The following CADPS2 variants were observed in gnomAD, a reference collection of about 807,000 sequenced individuals.
CADPS2 encodes the protein calcium-dependent secretion activator 2.
Under a neutral mutation model 172.5 loss-of-function variants are expected in CADPS2, and 93 were observed. The observed-to-expected ratio is 0.54, with a 90% CI of 0.46 to 0.64. The LOEUF (loss-of-function observed/expected upper bound fraction) is 0.64. CADPS2 is among the 30% of genes least tolerant of loss of function. CADPS2 has a pLI of 0.00. For synonymous variants in CADPS2, 546 were observed against 555.2 expected, an observed-to-expected ratio of 0.98 and a Z score of 0.23; for missense variants, 1,420 against 1,565.9, an observed-to-expected ratio of 0.91 and a Z score of 1.57.
chr7:122,576,725 G>A (rs961020720), intron 7 of CADPS2, among the ~76,000 whole-genome samples: 1 of 151,516 alleles, frequency 6.6e-6, no homozygotes, highest in Non-Finnish European at 1.5e-5. Flanking sequence ...CACCGGGATG[G>A]TTTCCCTGAT....
At chr7:122,441,403 G>A (rs1563346101) in intron 16 of CADPS2, 109 bp downstream of exon 16, 1 of 578,116 alleles carries the variant, frequency 1.7e-6, no homozygotes, top group East Asian at 3.1e-5. Context: ...ACTTGTGATG[G>A]AATCAGTAGA....
intron 1 of CADPS2, among the ~76,000 whole-genome samples, chr7:122,863,606 T>C (rs898022870): frequency 6.6e-6 from 1 of 152,038 alleles, no homozygotes; most frequent in Non-Finnish European, 1.5e-5. Flanking sequence ...AAAAATAAAG[T>C]TAAAATTACA....
intron 2 of CADPS2, among the ~76,000 whole-genome samples, chr7:122,722,884 C>T (rs1368658679): frequency 6.6e-6 from 1 of 151,848 alleles, no homozygotes; most frequent in Non-Finnish European, 1.5e-5. Flanking sequence ...CACACATCTA[C>T]AACAGTCTGA....
intron 28 of CADPS2, among the ~76,000 whole-genome samples, chr7:122,344,706 G>C (rs2150970533): frequency 6.6e-6 from 1 of 152,250 alleles, no homozygotes; most frequent in Admixed American, 6.5e-5. Context: ...ACATCCATTA[G>C]AACATGATTC....
At chr7:122,640,960 C>T (rs2077577524) in intron 3 of CADPS2, among the ~76,000 whole-genome samples, 1 of 151,584 alleles carries the variant, frequency 6.6e-6, no homozygotes, top group African/African-American at 2.4e-5. Context: ...AATTGTTGAC[C>T]CACTAGATCC....
chr7:122,482,297 T>C (rs552537114), intron 11 of CADPS2, among the ~76,000 whole-genome samples: 2 of 152,180 alleles, frequency 1.3e-5, no homozygotes, highest in African/African-American at 2.4e-5. Flanking sequence ...TCTGGGACAT[T>C]TGGCAATGTC....
chr7:122,526,766 A>G (rs2131184952), intron 8 of CADPS2, among the ~76,000 whole-genome samples: 1 of 152,336 alleles, frequency 6.6e-6, no homozygotes, highest in Admixed American at 6.5e-5. Flanking sequence ...CCTTTATTAT[A>G]CCAACTAGGT....
chr7:122,812,476 T>G (rs1381179893), intron 1 of CADPS2, among the ~76,000 whole-genome samples: 1 of 151,218 alleles, frequency 6.6e-6, no homozygotes, highest in African/African-American at 2.4e-5. Context: ...AAGTAGAGGC[T>G]CTGGCCCAGC....
intron 14 of CADPS2, among the ~76,000 whole-genome samples, chr7:122,460,008 TG>T (rs1309377093): frequency 1.3e-5 from 2 of 152,178 alleles, no homozygotes; most frequent in African/African-American, 4.8e-5. Flanking sequence ...ATGTGATGAA[TG>T]AGCAGCAGTC....
At chr7:122,472,741 G>A (rs1051517660) in intron 13 of CADPS2, among the ~76,000 whole-genome samples, 3 of 152,178 alleles carry the variant, frequency 2.0e-5, no homozygotes, top group African/African-American at 7.2e-5. Context: ...AGGATTTTGA[G>A]ATGATATATT....
intron 1 of CADPS2, among the ~76,000 whole-genome samples, chr7:122,771,777 T>G (rs1483272645): frequency 6.6e-6 from 1 of 152,146 alleles, no homozygotes; most frequent in Non-Finnish European, 1.5e-5. Flanking sequence ...TCTGTAAAGT[T>G]AAGCAATGCA....
chr7:122,625,560 A>C (rs1032233726), intron 4 of CADPS2, among the ~76,000 whole-genome samples: 2 of 152,302 alleles, frequency 1.3e-5, no homozygotes, highest in African/African-American at 4.8e-5. Flanking sequence ...TTTCCTAAAG[A>C]AGCAGCAATT....
At chr7:122,554,983 C>A (rs1424008026) in intron 7 of CADPS2, among the ~76,000 whole-genome samples, 1 of 152,032 alleles carries the variant, frequency 6.6e-6, no homozygotes, top group Non-Finnish European at 1.5e-5. Flanking sequence ...GAAAAATACT[C>A]AAGAGACACC....
At chr7:122,500,888 G>A (rs1296944875) in intron 9 of CADPS2, among the ~76,000 whole-genome samples, 1 of 152,118 alleles carries the variant, frequency 6.6e-6, no homozygotes, top group Non-Finnish European at 1.5e-5. Context: ...GGAAGGTATT[G>A]TGAACTGAAA....
chr7:122,819,513 C>G (rs948505277), intron 1 of CADPS2, among the ~76,000 whole-genome samples: 1 of 152,146 alleles, frequency 6.6e-6, no homozygotes, highest in Non-Finnish European at 1.5e-5. Context: ...GCTACCCACT[C>G]CACATTACCT....
At chr7:122,673,913 GT>G in intron 2 of CADPS2, among the ~76,000 whole-genome samples, 1 of 151,648 alleles carries the variant, frequency 6.6e-6, no homozygotes, top group Non-Finnish European at 1.5e-5. Flanking sequence ...ACGGCGGGGG[GT>G]GGGGGTGGGG....
chr7:122,393,100 G>T, intron 22 of CADPS2, 96 bp downstream of exon 22: 1 of 1,329,498 alleles, frequency 7.5e-7, no homozygotes, highest in Non-Finnish European at 1.0e-6. Flanking sequence ...AACCAACGAT[G>T]ACAAATGCCA....
chr7:122,576,937 T>C (rs1172130160), intron 7 of CADPS2, among the ~76,000 whole-genome samples: 1 of 152,066 alleles, frequency 6.6e-6, no homozygotes, highest in East Asian at 1.9e-4. Context: ...TTTTTTGTAT[T>C]TTTAGTAGAG....
At chr7:122,791,199 A>T (rs1048172453) in intron 1 of CADPS2, among the ~76,000 whole-genome samples, 1 of 152,194 alleles carries the variant, frequency 6.6e-6, no homozygotes, top group Non-Finnish European at 1.5e-5. Context: ...TCATTTAGAC[A>T]TCACAGTCTT....
Sources: allele counts gnomAD v4.1 joint callset (sites outside exome capture counted in the v4.1 genomes callset), GRCh38; gene constraint gnomAD v4.1.1; transcripts MANE v1.5; gene names NCBI Gene and HGNC (gene_info 2026-07-23, HGNC 2026-07-21).